ANKFN1: variants seen among roughly 807,000 people sequenced by gnomAD.
The protein encoded by ANKFN1 is ankyrin repeat and fibronectin type-III domain-containing protein 1.
A neutral mutation model predicts 108.7 loss-of-function variants in ANKFN1; 74 were observed. The observed-to-expected ratio is 0.68, with a 90% confidence interval of 0.56 to 0.83. ANKFN1 has a LOEUF of 0.83. ANKFN1 is among the 40% of genes least tolerant of loss of function. The pLI, the probability that ANKFN1 is intolerant of heterozygous loss-of-function variation, is 0.00. For synonymous variants in ANKFN1, 547 were observed against 516.2 expected (o/e 1.06, Z -0.81); for missense variants, 1,505 against 1,382.3 (o/e 1.09, Z -1.41).
At chr17:56,356,700 T>C (rs1451480641) in intron 6 of ANKFN1, among the ~76,000 whole-genome samples, 1 of 152,182 alleles carries the variant, frequency 6.6e-6, no homozygotes, top group African/African-American at 2.4e-5. Context: ...TGAAATGGCA[T>C]CTTTGCTGCC....
chr17:56,373,582 GT>G (rs1456713340), intron 7 of ANKFN1, among the ~76,000 whole-genome samples: 1 of 152,202 alleles, frequency 6.6e-6, no homozygotes, highest in Non-Finnish European at 1.5e-5. Flanking sequence ...AGTTTGAAAG[GT>G]CTCTGCCTCT....
intron 8 of ANKFN1, among the ~76,000 whole-genome samples, chr17:56,384,564 A>G (rs559988126): frequency 2.6e-5 from 4 of 152,220 alleles, no homozygotes; most frequent in Non-Finnish European, 5.9e-5. Flanking sequence ...ACATGACTGC[A>G]TATCTAGAAA....
At chr17:56,429,817 T>C (rs1327365044) in intron 8 of ANKFN1, among the ~76,000 whole-genome samples, 1 of 152,188 alleles carries the variant, frequency 6.6e-6, no homozygotes, top group African/African-American at 2.4e-5. Context: ...TGTGAAACAA[T>C]AGTGGCTTGG....
At chr17:56,251,348 A>G (rs559402350) in intron 3 of ANKFN1, among the ~76,000 whole-genome samples, 33 of 152,332 alleles carry the variant, frequency 2.2e-4, no homozygotes, top group African/African-American at 7.2e-4. Flanking sequence ...AGCTGAGATC[A>G]CACCACTGCA....
At chr17:56,102,816 C>T (rs368083257) in intron 4 of ANKFN1, among the ~76,000 whole-genome samples, 7 of 152,176 alleles carry the variant, frequency 4.6e-5, no homozygotes, top group African/African-American at 7.2e-5. Flanking sequence ...CTTGCTCAAG[C>T]GATCCTCCTG....
chr17:56,216,679 G>T lies in ANKFN1; in HGVS notation c.12+4000G>T, dbSNP rs116711762. ...AAAAGCATAAAAATGGGAGCCAAAA[G>T]ACCTAATTTCTATTTTTTAAACAAG... On this transcript the variant is annotated intron_variant, in intron 2 of 20. Transcript: ENST00000682825. Among the ~76,000 whole-genome samples the T allele has an allele frequency of 6.0e-3, 911 of 152,296 alleles. 3 individuals carry two copies. Among genetic ancestry groups the T allele is most frequent in the African/African-American group, 0.021 (860 of 41,566 alleles).
At chr17:56,279,158 C>T (rs2044007996) in intron 3 of ANKFN1, among the ~76,000 whole-genome samples, 1 of 152,078 alleles carries the variant, frequency 6.6e-6, no homozygotes, top group Non-Finnish European at 1.5e-5. Context: ...ATTAAAAACT[C>T]TTATGCTGGA....
intron 3 of ANKFN1, among the ~76,000 whole-genome samples, chr17:56,288,163 A>T (rs181663017): frequency 1.3e-5 from 2 of 152,176 alleles, no homozygotes; most frequent in Admixed American, 6.5e-5. Flanking sequence ...ACAAAAAATG[A>T]AAAAGATATA....
chr17:56,049,726 A>C (rs1253662346), intron 4 of ANKFN1, among the ~76,000 whole-genome samples: 1 of 148,630 alleles, frequency 6.7e-6, no homozygotes, highest in African/African-American at 2.5e-5. Context: ...TGAACTCATC[A>C]TTTTTTATGG....
intron 20 of ANKFN1, among the ~76,000 whole-genome samples, chr17:56,503,653 C>A (rs1299884303): frequency 1.3e-5 from 2 of 151,734 alleles, no homozygotes; most frequent in African/African-American, 2.4e-5. Context: ...GTCAATTATT[C>A]TTTCCTGAAA....
At chr17:56,160,336 G>A (rs1567810479) in intron 1 of ANKFN1, among the ~76,000 whole-genome samples, 1 of 152,160 alleles carries the variant, frequency 6.6e-6, no homozygotes, top group Non-Finnish European at 1.5e-5. Flanking sequence ...CAAGTTTCTA[G>A]GAAAGTAATG....
chr17:56,439,425 A>C lies in ANKFN1; in HGVS notation c.911-902A>C, dbSNP rs535739146. On this transcript the variant is annotated intron_variant, in intron 8 of 20. Coordinates refer to ENST00000682825, the MANE Select transcript of ANKFN1 (RefSeq NM_001370326.1). ...ACTTTTTACTGATGATGCACAATTT[A>C]TCTTTCCTGACCATGGCTTTGTCAA... 2.0e-4 allele frequency among the ~76,000 whole-genome samples: 31 copies of C among 151,962 alleles called. No homozygotes were observed. In the East Asian group the frequency reaches 6.0e-3, roughly 29 times the overall value.
intron 19 of ANKFN1, among the ~76,000 whole-genome samples, chr17:56,496,586 C>T (rs193281600): frequency 9.2e-5 from 14 of 152,178 alleles, no homozygotes; most frequent in East Asian, 5.8e-4. Flanking sequence ...TCTGTACTCA[C>T]GTTGCCTCCT....
chr17:56,139,978 T>C (rs947321917), intron 4 of ANKFN1, among the ~76,000 whole-genome samples: 1 of 152,248 alleles, frequency 6.6e-6, no homozygotes, highest in African/African-American at 2.4e-5. Flanking sequence ...AGCAGCTGTA[T>C]TACTTCTGCA....
chr17:56,051,923 TA>T (rs1198987491), intron 4 of ANKFN1, among the ~76,000 whole-genome samples: 1 of 148,768 alleles, frequency 6.7e-6, no homozygotes, highest in Non-Finnish European at 1.5e-5. Context: ...TAAAAGAGGA[TA>T]CAAACAAATG....
At chr17:56,150,386 C>T (rs927636020), upstream of ANKFN1, among the ~76,000 whole-genome samples, 1 of 152,180 alleles carries the variant, frequency 6.6e-6, no homozygotes, top group Non-Finnish European at 1.5e-5. Flanking sequence ...GTTACCGATA[C>T]CCCCTTTAGA....
intron 4 of ANKFN1, among the ~76,000 whole-genome samples, chr17:56,060,451 G>A (rs1243614055): frequency 6.6e-6 from 1 of 152,164 alleles, no homozygotes; most frequent in Admixed American, 6.5e-5. Flanking sequence ...GCCCTGGCCA[G>A]AACTTCCAAT....
At chr17:56,346,081 G>T (rs925001537) in intron 4 of ANKFN1, among the ~76,000 whole-genome samples, 1 of 152,054 alleles carries the variant, frequency 6.6e-6, no homozygotes, top group African/African-American at 2.4e-5. Flanking sequence ...TGTGATGAAG[G>T]GGTTCAGTTT....
intron 4 of ANKFN1, among the ~76,000 whole-genome samples, chr17:56,101,773 T>C (rs951100076): frequency 1.3e-5 from 2 of 152,168 alleles, no homozygotes; most frequent in African/African-American, 4.8e-5. Flanking sequence ...CATTCAGAAA[T>C]AGTTTGAGAA....
Sources: gnomAD v4.1 joint callset for allele counts (sites outside exome capture counted in the v4.1 genomes callset) on GRCh38, gnomAD v4.1.1 for gene constraint, MANE v1.5 for transcripts, NCBI Gene and HGNC (gene_info 2026-07-23, HGNC 2026-07-21) for gene names.